Variants in DEFB123 observed in about 807,000 individuals in gnomAD.
DEFB123 encodes defensin beta 123.
For synonymous variants in DEFB123, 22 were observed against 28.3 expected, an observed-to-expected ratio of 0.78 and a Z score of 0.71; for missense variants, 71 against 75.0, an observed-to-expected ratio of 0.95 and a Z score of 0.20.
At chr20:31,442,573 C>CAGGGGA (rs1039357208) in intron 1 of DEFB123, among the ~76,000 whole-genome samples, 1 of 148,796 alleles carries the variant, frequency 6.7e-6, no homozygotes, top group African/African-American at 2.5e-5. Context: ...TAGTGAACAC[C>CAGGGGA]AGGGGAAGGG....
At chr20:31,441,212 G>A (rs1979455643) in intron 1 of DEFB123, among the ~76,000 whole-genome samples, 1 of 152,170 alleles carries the variant, frequency 6.6e-6, no homozygotes, top group Non-Finnish European at 1.5e-5. Flanking sequence ...TGGTGCCAGG[G>A]GAACTAACTG....
chr20:31,447,478 C>T (rs1263033197), intron 1 of DEFB123, among the ~76,000 whole-genome samples: 3 of 131,684 alleles, frequency 2.3e-5, no homozygotes, highest in African/African-American at 3.4e-5. Flanking sequence ...TTTTCAAATA[C>T]ATGAAAAAGT....
chr20:31,449,987 G>C, intron 1 of DEFB123, 42 bp from the exon 2 acceptor site: 1 of 1,574,796 alleles, frequency 6.4e-7, no homozygotes, highest in Non-Finnish European at 8.6e-7. Flanking sequence ...GAGCCTACTT[G>C]TTAGGACTGA....
At chr20:31,444,889 T>C (rs886995297) in intron 1 of DEFB123, among the ~76,000 whole-genome samples, 1 of 152,340 alleles carries the variant, frequency 6.6e-6, no homozygotes, top group African/African-American at 2.4e-5. Flanking sequence ...TCCTGACTTT[T>C]ATAGCAATCA....
chr20:31,445,339 T>A (rs1354976992), intron 1 of DEFB123, among the ~76,000 whole-genome samples: 2 of 152,230 alleles, frequency 1.3e-5, no homozygotes, highest in Non-Finnish European at 2.9e-5. Flanking sequence ...CATTTCAAAA[T>A]GATAATATTC....
chr20:31,444,308 CCTGAGTTCGTT>C (rs1300781817), intron 1 of DEFB123, among the ~76,000 whole-genome samples: 1 of 152,110 alleles, frequency 6.6e-6, no homozygotes, highest in Admixed American at 6.5e-5. Context: ...CTCACAGCAC[CCTGAGTTCGTT>C]CTTTATAATT....
chr20:31,449,184 C>T (rs1022674458), intron 1 of DEFB123, among the ~76,000 whole-genome samples: 6 of 151,234 alleles, frequency 4.0e-5, no homozygotes, highest in Non-Finnish European at 7.4e-5. Context: ...TGTTTTTCTC[C>T]TGGTTATGGG....
In DEFB123 at chr20:31,449,738, C is replaced by T. The variant is rs542200293; in HGVS notation, c.59-291C>T. Among the ~76,000 whole-genome samples, 12 of 136,574 alleles carry T rather than the reference C, an allele frequency of 8.8e-5. No individual in the cohort carries two copies. The South Asian group carries it at 2.8e-3, about 32-fold the overall frequency. The allele number at this position is 136,574 out of a possible 152,430, so 89.6% of individuals were successfully genotyped here. The stretch of plus-strand genomic sequence containing the variant: ...GAGCCAGAATCATTCCACTGTACTC[C>T]AGCCTAGGTGACAGAGCAAGACTCA... On this transcript the variant is annotated intron_variant, in intron 1 of 1. Transcript: ENST00000376309.
chr20:31,446,354 T>C (rs182337701), intron 1 of DEFB123, among the ~76,000 whole-genome samples: 1 of 152,348 alleles, frequency 6.6e-6, no homozygotes, highest in Admixed American at 6.5e-5. Flanking sequence ...AGGAGAGTTG[T>C]GGAATTTTGT....
At chr20:31,445,697 G>A (rs993214190) in intron 1 of DEFB123, among the ~76,000 whole-genome samples, 48 of 152,002 alleles carry the variant, frequency 3.2e-4, no homozygotes, top group African/African-American at 1.0e-3. Context: ...ACGCCACCAC[G>A]CCTGCCTAAT....
chr20:31,450,022 G>A lies in DEFB123; in HGVS notation c.59-7G>A. On this transcript the variant is annotated splice_polypyrimidine_tract_variant and splice_region_variant and intron_variant, in intron 1 of 1. Coordinates refer to ENST00000376309, the MANE Select transcript of DEFB123 (RefSeq NM_153324.4). ...ATACTGTCTCCCTTCTTTCTGCTTT[G>A]TGTCAGGTGGCACCCAAAGATGCTG... 6.2e-7 allele frequency: 1 copy of A among 1,605,964 alleles called. No homozygotes were observed.
chr20:31,444,803 C>T (rs1283287365), intron 1 of DEFB123, among the ~76,000 whole-genome samples: 2 of 152,150 alleles, frequency 1.3e-5, no homozygotes, highest in Non-Finnish European at 2.9e-5. Context: ...ATGGACAGAG[C>T]ATTGACAGTC....
At chr20:31,449,082 CT>C (rs995447443) in intron 1 of DEFB123, among the ~76,000 whole-genome samples, 95 of 152,014 alleles carry the variant, frequency 6.2e-4, no homozygotes, top group African/African-American at 2.2e-3. Flanking sequence ...CTTCCTCCAC[CT>C]TTTTTACTAC....
rs377702716 is a variant in DEFB123, at chr20:31,450,057, T to C, written c.87T>C (p.Tyr29=). ...GCACCCAAAGATGCTGGAATCTTTA[T>C]GGCAAATGCCGTTACAGATGCTCCA... ...PGGTQRCWNL[Y]GKCRYRCSKK... Residue 29 remains tyrosine, a synonymous_variant, in exon 2 of 2, where the codon TAT becomes TAC. Coordinates refer to ENST00000376309, the MANE Select transcript of DEFB123 (RefSeq NM_153324.4). The C allele has an allele frequency of 1.6e-5, 26 of 1,611,600 alleles. 1 individual carries two copies. Among genetic ancestry groups the C allele is most frequent in the African/African-American group, 1.6e-4 (12 of 74,702 alleles).
chr20:31,440,981 G>C (rs1437323727), intron 1 of DEFB123, among the ~76,000 whole-genome samples: 3 of 152,234 alleles, frequency 2.0e-5, no homozygotes, highest in Non-Finnish European at 2.9e-5. Flanking sequence ...GCTCCAGGGA[G>C]CATGTGGGGG....
chr20:31,449,998 T>C (rs2122422153), intron 1 of DEFB123, 31 bp from the exon 2 acceptor site: 1 of 1,594,902 alleles, frequency 6.3e-7, no homozygotes, highest in South Asian at 1.1e-5. Flanking sequence ...TTAGGACTGA[T>C]ACTGTCTCCC....
At chr20:31,445,066 T>C (rs1979554498) in intron 1 of DEFB123, among the ~76,000 whole-genome samples, 1 of 152,204 alleles carries the variant, frequency 6.6e-6, no homozygotes, top group South Asian at 2.1e-4. Context: ...AAAACATAAG[T>C]CATTTGATCT....
chr20:31,449,113 G>A (rs1268540982), intron 1 of DEFB123, among the ~76,000 whole-genome samples: 2 of 151,766 alleles, frequency 1.3e-5, no homozygotes, highest in Non-Finnish European at 2.9e-5. Context: ...ATTTATCATA[G>A]CTGTTTTATC....
intron 1 of DEFB123, among the ~76,000 whole-genome samples, chr20:31,449,278 A>G (rs181381691): frequency 6.6e-6 from 1 of 151,978 alleles, no homozygotes; most frequent in Admixed American, 6.5e-5. Flanking sequence ...ACTCCTTTAA[A>G]GAGTTAGATA....
Sources: gnomAD v4.1 joint callset for allele counts (sites outside exome capture counted in the v4.1 genomes callset) on GRCh38, gnomAD v4.1.1 for gene constraint, MANE v1.5 for transcripts, NCBI Gene and HGNC (gene_info 2026-07-23, HGNC 2026-07-21) for gene names.